The following NUP133 variants were observed in gnomAD, a reference collection of about 807,000 sequenced individuals.
NUP133 encodes nuclear pore complex protein Nup133.
In NUP133, 66 loss-of-function variants were observed where a neutral mutation model predicts 146.2. That is an observed-to-expected ratio of 0.45 (90% CI 0.37 to 0.55). NUP133 has a LOEUF of 0.55. Ranked by LOEUF, NUP133 falls within the 20% of genes least tolerant of loss-of-function variation. The pLI is 0.00. For synonymous variants in NUP133, 521 were observed against 498.8 expected (o/e 1.04, Z -0.59); for missense variants, 1,277 against 1,374.8 (o/e 0.93, Z 1.12).
chr1:229,506,785 G>A (rs1448171029), intron 1 of NUP133, among the ~76,000 whole-genome samples: 1 of 145,314 alleles, frequency 6.9e-6, no homozygotes, highest in African/African-American at 2.5e-5. Context: ...GCACCAGCCT[G>A]TAGCCTGGGC....
chr1:229,474,144 C>G (rs1167996654), intron 14 of NUP133, among the ~76,000 whole-genome samples: 1 of 152,192 alleles, frequency 6.6e-6, no homozygotes, highest in African/African-American at 2.4e-5. Context: ...AACCACATAG[C>G]CTCTGTTGAC....
chr1:229,502,168 C>CAAAAAAAA, intron 2 of NUP133, 66 bp from the exon 3 acceptor site: 3 of 1,192,534 alleles, frequency 2.5e-6, no homozygotes, highest in Admixed American at 3.9e-5. Flanking sequence ...CACGCTTTAT[C>CAAAAAAAA]AAAAAAAAGT....
intron 14 of NUP133, among the ~76,000 whole-genome samples, chr1:229,471,166 A>G (rs1043512280): frequency 1.3e-4 from 20 of 152,158 alleles, no homozygotes; most frequent in African/African-American, 3.9e-4. Context: ...CCCAGGCTGG[A>G]GTGCAGTGGT....
chr1:229,499,225 AAAG>A (rs1558108548), intron 5 of NUP133: 3 of 471,128 alleles, frequency 6.4e-6, no homozygotes, highest in South Asian at 4.6e-5. Flanking sequence ...GTGAACCTAC[AAAG>A]AAGATAATGC....
intron 8 of NUP133, among the ~76,000 whole-genome samples, 196 bp downstream of exon 8, chr1:229,495,299 A>G (rs1310370316): frequency 1.3e-5 from 2 of 152,130 alleles, no homozygotes; most frequent in African/African-American, 4.8e-5. Context: ...GCTGAGGCAG[A>G]AGGATCACTT....
At chr1:229,452,127 G>A (rs1362758134) in intron 22 of NUP133, among the ~76,000 whole-genome samples, 1 of 152,198 alleles carries the variant, frequency 6.6e-6, no homozygotes, top group Non-Finnish European at 1.5e-5. Flanking sequence ...GGTTGCAGAG[G>A]AAAGGGGTAA....
intron 12 of NUP133, among the ~76,000 whole-genome samples, chr1:229,478,391 C>T (rs978168214): frequency 9.9e-5 from 15 of 151,814 alleles, no homozygotes; most frequent in Middle Eastern, 3.4e-3. Flanking sequence ...TGATAAACAC[C>T]GAGAGAGACA....
At chr1:229,503,022 C>T (rs903054186) in intron 2 of NUP133, among the ~76,000 whole-genome samples, 4 of 151,952 alleles carry the variant, frequency 2.6e-5, no homozygotes, top group Non-Finnish European at 5.9e-5. Context: ...AATCCCAGCA[C>T]TTTGGGAGGC....
chr1:229,444,130 A>G (rs1003696107), intron 25 of NUP133, among the ~76,000 whole-genome samples: 3 of 152,034 alleles, frequency 2.0e-5, no homozygotes, highest in Non-Finnish European at 4.4e-5. Flanking sequence ...CAGGAGTTCG[A>G]GGCCAGCCTG....
chr1:229,506,690 T>TGAGACCAGGAGTTC (rs1398920593), intron 1 of NUP133, among the ~76,000 whole-genome samples: 2 of 151,856 alleles, frequency 1.3e-5, no homozygotes, highest in African/African-American at 4.8e-5. Context: ...GAAGACTGCT[T>TGAGACCAGGAGTTC]GAGACCAGGA....
At chr1:229,480,681 G>A (rs1050727243) in intron 12 of NUP133, among the ~76,000 whole-genome samples, 1 of 152,100 alleles carries the variant, frequency 6.6e-6, no homozygotes, top group Non-Finnish European at 1.5e-5. Flanking sequence ...GGTGCTAATG[G>A]CATCTAGCAG....
At chr1:229,449,947 T>C (rs1660408968) in intron 23 of NUP133, among the ~76,000 whole-genome samples, 3 of 147,452 alleles carry the variant, frequency 2.0e-5, no homozygotes, top group East Asian at 2.0e-4. Flanking sequence ...TGGCATGATC[T>C]TGGCTCACTG....
chr1:229,476,593 T>A (rs1661079616), intron 13 of NUP133, among the ~76,000 whole-genome samples: 1 of 152,156 alleles, frequency 6.6e-6, no homozygotes, highest in Non-Finnish European at 1.5e-5. Flanking sequence ...TTTCTATTAG[T>A]CAAATATACT....
rs1662000063 is a variant in NUP133, at chr1:229,508,282, G to A, written c.-33C>T. 7.1e-7 allele frequency: 1 copy of A among 1,400,376 alleles called. No individual in the cohort carries two copies. Among genetic ancestry groups the A allele is most frequent in the Non-Finnish European group, 9.4e-7 (1 of 1,068,240 alleles). 86.7% of individuals were successfully genotyped at this position (1,400,376 alleles called of 1,614,324 possible). On this transcript the variant is annotated 5_prime_UTR_variant, in exon 1 of 26. Coordinates refer to ENST00000261396, the MANE Select transcript of NUP133 (RefSeq NM_018230.3). ...AGGAGCAGCGACTAGGACAGCGAGG[G>A]ATCTGGCCGTCAGGTTGCAGCCTGG... is the stretch of plus-strand genomic sequence containing the variant.
At chr1:229,449,077 G>T in intron 24 of NUP133, 49 bp downstream of exon 24, 1 of 1,391,092 alleles carries the variant, frequency 7.2e-7, no homozygotes, top group South Asian at 1.2e-5. Flanking sequence ...GAGAGCAGAG[G>T]AAAAGCAGTT....
At position 229,470,575 on chromosome 1, in the gene NUP133, C is replaced by T. The variant is rs368582822; in HGVS notation, c.2076+5G>A. On this transcript the variant is annotated splice_donor_5th_base_variant and intron_variant, in intron 15 of 25. Coordinates refer to ENST00000261396, the MANE Select transcript of NUP133 (RefSeq NM_018230.3). ...CAAAGCCACATGAAAGAGGACTCAT[C>T]TTACCTCCCTGAAAAAGACATCTGC... The T allele has an allele frequency of 6.2e-7, 1 of 1,611,632 alleles. No individual in the cohort carries two copies. The highest frequency in any genetic ancestry group is 1.3e-5 in the African/African-American group (1 of 74,890).
chr1:229,460,455 G>A (rs966926306), intron 20 of NUP133, among the ~76,000 whole-genome samples, 156 bp downstream of exon 20: 2 of 152,162 alleles, frequency 1.3e-5, no homozygotes, highest in African/African-American at 4.8e-5. Flanking sequence ...GGGATTACAG[G>A]TATAAGCCAC....
chr1:229,507,928 T>A, intron 1 of NUP133, 140 bp downstream of exon 1: 1 of 1,262,510 alleles, frequency 7.9e-7, no homozygotes, highest in Non-Finnish European at 1.0e-6. Flanking sequence ...CCTGCAGCAG[T>A]GGAAAAGGTC....
At chr1:229,449,919 G>A (rs1571905694) in intron 23 of NUP133, among the ~76,000 whole-genome samples, 2 of 115,480 alleles carry the variant, frequency 1.7e-5, no homozygotes, top group African/African-American at 3.4e-5. Context: ...TCACTCTGTC[G>A]CCCAGGCTTG....
Sources: allele counts gnomAD v4.1 joint callset (sites outside exome capture counted in the v4.1 genomes callset), GRCh38; gene constraint gnomAD v4.1.1; transcripts MANE v1.5; gene names NCBI Gene and HGNC (gene_info 2026-07-23, HGNC 2026-07-21).